The following AFAP1 variants were observed in gnomAD, a reference collection of about 807,000 sequenced individuals.
AFAP1 encodes actin filament-associated protein 1.
AFAP1 carries 75 observed loss-of-function variants against 93.9 expected under a neutral mutation model. That is an observed-to-expected ratio of 0.80 (90% CI 0.66 to 0.97). The LOEUF is 0.97. Among genes scored for constraint, AFAP1 ranks in the 50% least tolerant of loss-of-function variants. The pLI, the probability that AFAP1 is intolerant of heterozygous loss-of-function variation, is 0.00. For synonymous variants in AFAP1, 517 were observed against 430.7 expected (o/e 1.20, Z -2.48); for missense variants, 1,201 against 1,050.8 (o/e 1.14, Z -1.98).
At chr4:7,775,579 T>C (rs1173889678) in intron 14 of AFAP1, 1 of 152,056 alleles carries the variant, frequency 6.6e-6, no homozygotes, top group Non-Finnish European at 1.5e-5. Context: ...GCACTGAGAT[T>C]AGCACCCGGC....
Position 7,937,902 on chromosome 4 carries a change from C to T in AFAP1, c.-3+1754G>A, listed in dbSNP as rs116094212. Among the ~76,000 whole-genome samples the T allele has an allele frequency of 8.3e-3, 1,258 of 152,248 alleles. 16 individuals are homozygous for T. Among genetic ancestry groups the T allele is most frequent in the African/African-American group, 0.029 (1,202 of 41,540 alleles). ...TCAAAGAATTGCAGATTTAAAATAGCATGAATACTTGGATTCATGGTATTG... is the reference window on the plus strand; with the variant it reads ...TCAAAGAATTGCAGATTTAAAATAGTATGAATACTTGGATTCATGGTATTG... On this transcript the variant is annotated intron_variant, in intron 1 of 17. Coordinates refer to ENST00000420658, the MANE Select transcript of AFAP1 (RefSeq NM_001134647.2).
intron 9 of AFAP1, among the ~76,000 whole-genome samples, chr4:7,809,020 A>C (rs1189365678): frequency 6.6e-6 from 1 of 151,936 alleles, no homozygotes; most frequent in African/African-American, 2.4e-5. Flanking sequence ...GCAACAGGAA[A>C]GTGACTAACA....
At chr4:7,779,747 G>C (rs547349693) in intron 13 of AFAP1, among the ~76,000 whole-genome samples, 1 of 152,090 alleles carries the variant, frequency 6.6e-6, no homozygotes, top group Non-Finnish European at 1.5e-5. Flanking sequence ...AAAACATAAA[G>C]AGATACCTCC....
intron 6 of AFAP1, among the ~76,000 whole-genome samples, chr4:7,823,491 C>A (rs1358156287): frequency 1.3e-5 from 2 of 152,132 alleles, no homozygotes; most frequent in Non-Finnish European, 2.9e-5. Context: ...CACATACGCA[C>A]TTCCCCACTC....
chr4:7,784,567 G>T (rs574859546), intron 12 of AFAP1, among the ~76,000 whole-genome samples: 1 of 152,318 alleles, frequency 6.6e-6, no homozygotes, highest in Admixed American at 6.5e-5. Context: ...GTGATGAGAA[G>T]ATCCCTCTTT....
At chr4:7,822,529 T>C (rs1244813802) in intron 6 of AFAP1, among the ~76,000 whole-genome samples, 3 of 151,904 alleles carry the variant, frequency 2.0e-5, no homozygotes, top group Non-Finnish European at 4.4e-5. Context: ...AAACCCATGA[T>C]CTCTGGCAAA....
chr4:7,778,763 C>G lies in AFAP1; in HGVS notation c.1896G>C (p.Ser632=), dbSNP rs200215454. The change falls in exon 14 of 18, where the codon TCG becomes TCC. Residue 632 remains serine, a splice_region_variant and synonymous_variant. Transcript: ENST00000420658. ...DPAAVVKRTG[S]NAAQYKYGKN... The stretch of plus-strand genomic sequence containing the variant: ...CAAGACATCCGATGGTATACTTACT[C>G]GAACCCGTCCTTTTCACAACAGCCG... 9 of 1,613,704 alleles carry G rather than the reference C, an allele frequency of 5.6e-6. No homozygotes were observed. Among genetic ancestry groups the G allele is most frequent in the Non-Finnish European group, 7.6e-6 (9 of 1,179,590 alleles).
chr4:7,933,567 C>T (rs1437718998), intron 1 of AFAP1, among the ~76,000 whole-genome samples: 3 of 151,998 alleles, frequency 2.0e-5, no homozygotes, highest in South Asian at 2.1e-4. Flanking sequence ...TGCGAGACTC[C>T]GTCTCAAAAA....
At chr4:7,894,958 C>T (rs1029913051) in intron 1 of AFAP1, among the ~76,000 whole-genome samples, 7 of 152,202 alleles carry the variant, frequency 4.6e-5, no homozygotes, top group Non-Finnish European at 1.0e-4. Flanking sequence ...ATGGCTCCGC[C>T]GCTATGCATG....
chr4:7,834,820 G>C (rs1332596636), intron 6 of AFAP1, among the ~76,000 whole-genome samples: 2 of 152,270 alleles, frequency 1.3e-5, no homozygotes, highest in East Asian at 1.9e-4. Flanking sequence ...GTAACTTGGA[G>C]TTAAGAGTGA....
chr4:7,769,032 T>G (rs761258356), intron 16 of AFAP1, 24 bp from the exon 17 acceptor site: 1 of 1,571,266 alleles, frequency 6.4e-7, no homozygotes, highest in Non-Finnish European at 8.7e-7. Context: ...GAGAACCCCA[T>G]GTGATGAGCG....
intron 1 of AFAP1, among the ~76,000 whole-genome samples, chr4:7,926,343 G>T (rs555324219): frequency 1.3e-5 from 2 of 152,278 alleles, no homozygotes; most frequent in South Asian, 4.1e-4. Context: ...CCGTAACGCA[G>T]TTATCAGCAG....
chr4:7,936,329 C>T (rs1237534658), intron 1 of AFAP1, among the ~76,000 whole-genome samples: 1 of 151,972 alleles, frequency 6.6e-6, no homozygotes, highest in Non-Finnish European at 1.5e-5. Flanking sequence ...TATTTATTTA[C>T]CTTTTTATTT....
intron 1 of AFAP1, among the ~76,000 whole-genome samples, chr4:7,910,799 G>C (rs1271335230): frequency 6.6e-6 from 1 of 152,218 alleles, no homozygotes; most frequent in African/African-American, 2.4e-5. Context: ...CATCTCTGCT[G>C]GAGGTGAGTA....
chr4:7,874,712 T>C (rs1035313906), intron 1 of AFAP1, among the ~76,000 whole-genome samples: 26 of 151,746 alleles, frequency 1.7e-4, no homozygotes, highest in Non-Finnish European at 8.8e-5. Flanking sequence ...TCCACCATAA[T>C]ATCTCACACA....
At chr4:7,800,359 T>C (rs995498735) in intron 10 of AFAP1, 83 bp downstream of exon 10, 4 of 1,424,274 alleles carry the variant, frequency 2.8e-6, no homozygotes, top group Non-Finnish European at 2.9e-6. Context: ...GGAATTTTGA[T>C]AGAGGAGTCA....
At chr4:7,806,205 G>A (rs939058475) in intron 9 of AFAP1, among the ~76,000 whole-genome samples, 3 of 152,228 alleles carry the variant, frequency 2.0e-5, no homozygotes, top group Non-Finnish European at 4.4e-5. Context: ...GTCAGTCAAC[G>A]TCACTCAATA....
chr4:7,924,532 T>A (rs1028281530), intron 1 of AFAP1, among the ~76,000 whole-genome samples: 1 of 152,200 alleles, frequency 6.6e-6, no homozygotes, highest in Non-Finnish European at 1.5e-5. Flanking sequence ...GTTGTTTCTA[T>A]TCACTCTGAT....
chr4:7,882,419 A>G (rs1022443569), intron 1 of AFAP1, among the ~76,000 whole-genome samples: 1 of 151,824 alleles, frequency 6.6e-6, no homozygotes, highest in African/African-American at 2.4e-5. Context: ...TGAAGCAAAT[A>G]TAAATGTGAT....
Sources: gnomAD v4.1 joint callset for allele counts (sites outside exome capture counted in the v4.1 genomes callset) on GRCh38, gnomAD v4.1.1 for gene constraint, MANE v1.5 for transcripts, NCBI Gene and HGNC (gene_info 2026-07-23, HGNC 2026-07-21) for gene names.